The following FRMD6 variants were observed in gnomAD, a reference collection of about 807,000 sequenced individuals.
FRMD6 encodes the protein FERM domain-containing protein 6.
In FRMD6, 37 loss-of-function variants were observed where a neutral mutation model predicts 73.2. The ratio of observed to expected loss-of-function variants is 0.51; its 90% CI spans 0.39 to 0.66. The LOEUF (loss-of-function observed/expected upper bound fraction) is 0.66. Among genes scored for constraint, FRMD6 ranks in the 30% least tolerant of loss-of-function variants. The pLI is 0.00. For missense variants in FRMD6, 714 were observed against 780.5 expected (o/e 0.91, Z 1.02); for synonymous variants, 273 against 282.2 (o/e 0.97, Z 0.33).
At chr14:51,720,641 A>T in intron 11 of FRMD6, 2 of 497,622 alleles carry the variant, frequency 4.0e-6, no homozygotes, top group Non-Finnish European at 7.3e-6. Context: ...GTTTCTATGA[A>T]GTAGATTGGA....
chr14:51,480,459 AT>A, the FRMD6 span, among the ~76,000 whole-genome samples: 1 of 152,272 alleles, frequency 6.6e-6, no homozygotes, highest in South Asian at 2.1e-4. Context: ...ATGAATCTGT[AT>A]GCCCAGTGTG....
chr14:51,449,184 C>T, the FRMD6 span, among the ~76,000 whole-genome samples: 2 of 152,152 alleles, frequency 1.3e-5, no homozygotes, highest in African/African-American at 4.8e-5. Flanking sequence ...AAAAGATATG[C>T]ATGACTTCAG....
chr14:51,605,863 G>A (rs949828692), intron 2 of FRMD6, among the ~76,000 whole-genome samples: 1 of 152,182 alleles, frequency 6.6e-6, no homozygotes, highest in Non-Finnish European at 1.5e-5. Flanking sequence ...AGGAAGAGCT[G>A]TACCCCCGAG....
Position 51,730,224 on chromosome 14 carries a change from T to A in FRMD6, c.*2195T>A, listed in dbSNP as rs183120513. On this transcript the variant is annotated 3_prime_UTR_variant, in exon 14 of 14. Transcript: ENST00000344768. Reference sequence around the variant, plus strand: ...TATTTTCTCTCTACTTCAACCAAAATCAGATCTTTGAGGTTTTGCTGACAT... The same window carrying A: ...TATTTTCTCTCTACTTCAACCAAAAACAGATCTTTGAGGTTTTGCTGACAT... 8.5e-5 allele frequency: 13 copies of A among 152,360 alleles called. No individual in the cohort carries two copies. The East Asian group carries it at 2.5e-3, about 29-fold the overall frequency. 9.4% of individuals were successfully genotyped at this position (152,360 alleles called of 1,614,324 possible). A position where few individuals can be genotyped will look rare whatever the true frequency, so the allele number is the denominator to read the frequency against.
intron 1 of FRMD6, among the ~76,000 whole-genome samples, chr14:51,496,143 C>T (rs953040899): frequency 1.3e-5 from 2 of 152,168 alleles, no homozygotes; most frequent in African/African-American, 4.8e-5. Context: ...AAGTTGAAAG[C>T]AGCACTGTGG....
chr14:51,398,632 C>T, the FRMD6 span, among the ~76,000 whole-genome samples: 2 of 152,096 alleles, frequency 1.3e-5, no homozygotes, highest in Non-Finnish European at 2.9e-5. Context: ...TAAGAAGTCT[C>T]TAACAACCAG....
In FRMD6 at chr14:51,704,718, ATG is replaced by A. The variant is rs1371159227; in HGVS notation, c.372-28_372-27del. ...CATGTCATTGGATTATTCCATCAAA[ATG>A]TGAGTTCTGTTTTCTTTTATTTTTC... On this transcript the variant is annotated intron_variant, in intron 5 of 13. Coordinates refer to ENST00000344768, the MANE Select transcript of FRMD6 (RefSeq NM_001267046.2). The A allele has an allele frequency of 1.9e-6, 3 of 1,568,356 alleles. No individual in the cohort carries two copies. In the African/African-American group the frequency reaches 4.1e-5, roughly 21 times the overall value.
chr14:51,485,537 G>A (rs1452274660), upstream of FRMD6, among the ~76,000 whole-genome samples: 1 of 152,114 alleles, frequency 6.6e-6, no homozygotes, highest in Non-Finnish European at 1.5e-5. Flanking sequence ...ACAAACCCTA[G>A]ATCCAGTACA....
intron 2 of FRMD6, chr14:51,584,078 C>T (rs1157892354): frequency 6.6e-6 from 1 of 152,142 alleles, no homozygotes; most frequent in Non-Finnish European, 1.5e-5. Context: ...ACTAGAAGGA[C>T]CTTAGAGAGC....
chr14:51,635,248 A>C (rs1172580287), intron 2 of FRMD6, among the ~76,000 whole-genome samples: 1 of 152,226 alleles, frequency 6.6e-6, no homozygotes, highest in African/African-American at 2.4e-5. Flanking sequence ...ATAAGCAAGC[A>C]AGCTGGGCAT....
chr14:51,692,148 G>T (rs1895633327), intron 2 of FRMD6, among the ~76,000 whole-genome samples: 1 of 151,982 alleles, frequency 6.6e-6, no homozygotes, highest in Non-Finnish European at 1.5e-5. Context: ...TCATCTTTTG[G>T]GCAGAATTTC....
intron 2 of FRMD6, among the ~76,000 whole-genome samples, chr14:51,608,403 A>G: frequency 6.6e-6 from 1 of 152,186 alleles, no homozygotes; most frequent in East Asian, 1.9e-4. Context: ...TGTAGTAGTA[A>G]TTACAACTTT....
intron 1 of FRMD6, among the ~76,000 whole-genome samples, chr14:51,547,466 T>A (rs539298997): frequency 3.8e-4 from 58 of 152,296 alleles, no homozygotes; most frequent in African/African-American, 1.3e-3. Context: ...AATGCAGCCT[T>A]TTCTGGTTTA....
chr14:51,688,922 A>C (rs748289415), intron 1 of FRMD6, among the ~76,000 whole-genome samples: 2 of 152,230 alleles, frequency 1.3e-5, no homozygotes, highest in African/African-American at 2.4e-5. Flanking sequence ...TAAGTTAAAC[A>C]ATACAGTTAA....
intron 1 of FRMD6, among the ~76,000 whole-genome samples, chr14:51,665,417 T>C (rs1893509350): frequency 1.3e-5 from 2 of 152,182 alleles, no homozygotes. Flanking sequence ...TATTTTTTTT[T>C]CTCAGAGTTC....
At chr14:51,496,252 C>G (rs1274971668) in intron 1 of FRMD6, among the ~76,000 whole-genome samples, 4 of 152,240 alleles carry the variant, frequency 2.6e-5, no homozygotes, top group Admixed American at 2.0e-4. Flanking sequence ...ATCTGCTCAA[C>G]TAGCTCCTTG....
At chr14:51,725,898 TAGGA>T in intron 13 of FRMD6, 28 bp downstream of exon 13, 1 of 1,527,984 alleles carries the variant, frequency 6.5e-7, no homozygotes, top group Non-Finnish European at 9.0e-7. Context: ...AAATATCAGT[TAGGA>T]AACTGAAGTT....
At chr14:51,457,954 T>C in the FRMD6 span, among the ~76,000 whole-genome samples, 1 of 152,170 alleles carries the variant, frequency 6.6e-6, no homozygotes, top group Non-Finnish European at 1.5e-5. Context: ...GAAGAGGATC[T>C]TGAGAACTCA....
intron 2 of FRMD6, among the ~76,000 whole-genome samples, chr14:51,571,953 A>T (rs1016897903): frequency 1.3e-5 from 2 of 152,198 alleles, no homozygotes; most frequent in African/African-American, 4.8e-5. Context: ...TGGCTCACCT[A>T]CCTGTAAGTT....
Sources: gnomAD v4.1 joint callset for allele counts (sites outside exome capture counted in the v4.1 genomes callset) on GRCh38, gnomAD v4.1.1 for gene constraint, MANE v1.5 for transcripts, NCBI Gene and HGNC (gene_info 2026-07-23, HGNC 2026-07-21) for gene names.